The following PECAM1 variants were observed in gnomAD, a reference collection of about 807,000 sequenced individuals.
The protein encoded by PECAM1 is platelet endothelial cell adhesion molecule.
Under a neutral mutation model 13.8 loss-of-function variants are expected in PECAM1, and 8 were observed. The observed-to-expected ratio is 0.58, with a 90% CI of 0.34 to 1.05. The LOEUF (loss-of-function observed/expected upper bound fraction) is 1.05, where lower values mean the gene tolerates loss of function less well. Ranked by LOEUF, PECAM1 falls within the 50% of genes least tolerant of loss-of-function variation. The pLI, the probability that PECAM1 is intolerant of heterozygous loss-of-function variation, is 0.03. For synonymous variants in PECAM1, 136 were observed against 52.6 expected, an observed-to-expected ratio of 2.58 and a Z score of -6.86; for missense variants, 304 against 141.2, an observed-to-expected ratio of 2.15 and a Z score of -5.84.
chr17:64,377,622 A>ACGG, intron 3 of PECAM1: 2 of 378,088 alleles, frequency 5.3e-6, no homozygotes, highest in East Asian at 3.9e-5. Context: ...GAAAGAAAGG[A>ACGG]AGGAAGGAAG....
intron 13 of PECAM1, among the ~76,000 whole-genome samples, chr17:64,346,057 C>T (rs1277501011): frequency 3.3e-5 from 5 of 152,166 alleles, no homozygotes; most frequent in African/African-American, 1.2e-4. Flanking sequence ...TAGTGGCTGG[C>T]ACGGCCTGGA....
intron 14 of PECAM1, 51 bp downstream of exon 14, chr17:64,341,583 G>A (rs1163980501): frequency 7.1e-5 from 30 of 424,456 alleles, no homozygotes; most frequent in Non-Finnish European, 1.2e-4. Context: ...GGCCCCATCA[G>A]TGATTCTAGG....
intron 5 of PECAM1, among the ~76,000 whole-genome samples, chr17:64,364,584 C>A (rs2036058730): frequency 1.3e-5 from 2 of 150,584 alleles, no homozygotes; most frequent in South Asian, 4.2e-4. Context: ...AAAATACTGG[C>A]AAACCAAATC....
intron 6 of PECAM1, among the ~76,000 whole-genome samples, chr17:64,361,753 C>CAAAAAAAAAAAAAAAAA (rs61144320): frequency 2.9e-5 from 2 of 68,136 alleles, no homozygotes; most frequent in Non-Finnish European, 5.0e-5. Context: ...AACTCCATCT[C>CAAAAAAAAAAAAAAAAA]AAAAAAAAAA....
At chr17:64,387,017 C>T (rs934522374) in intron 2 of PECAM1, among the ~76,000 whole-genome samples, 33 of 151,850 alleles carry the variant, frequency 2.2e-4, no homozygotes, top group African/African-American at 5.1e-4. Flanking sequence ...ACCAGGAGCC[C>T]GCAGAGACCA....
chr17:64,354,122 G>A (rs1368755066), intron 9 of PECAM1, among the ~76,000 whole-genome samples: 1 of 151,930 alleles, frequency 6.6e-6, no homozygotes, highest in Non-Finnish European at 1.5e-5. Flanking sequence ...TGTATTTTTA[G>A]TAGAGATGGG....
chr17:64,338,278 C>T, intron 14 of PECAM1, among the ~76,000 whole-genome samples: 1 of 127,750 alleles, frequency 7.8e-6, no homozygotes, highest in South Asian at 2.5e-4. Flanking sequence ...TGGGGCCTCA[C>T]TGTGTTGCCC....
At position 64,322,529 on chromosome 17, in the gene PECAM1, T is replaced by G. The variant is rs1598265651; in HGVS notation, c.*1287A>C. The G allele has an allele frequency of 1.0e-6, 1 of 985,378 alleles. No individual in the cohort carries two copies. Among genetic ancestry groups the G allele is most frequent in the East Asian group, 1.1e-4 (1 of 8,816 alleles). The allele number at this position is 985,378 out of a possible 1,614,324, so 61.0% of individuals were successfully genotyped here. On this transcript the variant is annotated 3_prime_UTR_variant, in exon 16 of 16. Coordinates refer to ENST00000563924, the MANE Select transcript of PECAM1 (RefSeq NM_000442.5). ...GCAAAGAGCAAAGGTCAAATTTATT[T>G]AATACAACATCCACGAGGGTCCCTG...
chr17:64,336,826 C>T (rs888125479), intron 14 of PECAM1, among the ~76,000 whole-genome samples: 1 of 150,506 alleles, frequency 6.6e-6, no homozygotes, highest in Non-Finnish European at 1.5e-5. Context: ...CCACTGCACT[C>T]CAGCCTGGGT....
Position 64,362,837 on chromosome 17 carries a change from C to A in PECAM1, c.1216+312G>T, listed in dbSNP as rs887219668. Among the ~76,000 whole-genome samples, 46 of 143,560 alleles carry A rather than the reference C, an allele frequency of 3.2e-4. 1 individual carries two copies. The highest frequency in any genetic ancestry group is 1.2e-3 in the African/African-American group (46 of 36,962). The allele number at this position is 143,560 out of a possible 152,430, so 94.2% of individuals were successfully genotyped here. A position where few individuals can be genotyped will look rare whatever the true frequency, so the allele number is the denominator to read the frequency against. ...GCACTCTAGCCTGGGCGACACGTCT[C>A]AAAAAAAAAAAAAAGAAAAGTTTAA... On this transcript the variant is annotated intron_variant, in intron 6 of 15. Transcript: ENST00000563924.
At chr17:64,356,783 T>A (rs1208432034) in intron 7 of PECAM1, among the ~76,000 whole-genome samples, 2 of 152,148 alleles carry the variant, frequency 1.3e-5, no homozygotes, top group African/African-American at 4.8e-5. Context: ...TAAGCCACCA[T>A]GCCAGGCCAC....
In PECAM1 at chr17:64,377,807, C is replaced by T. The variant is rs996457365; in HGVS notation, c.385+17G>A. On this transcript the variant is annotated intron_variant, in intron 3 of 15. Coordinates refer to ENST00000563924, the MANE Select transcript of PECAM1 (RefSeq NM_000442.5). Reference sequence around the variant, plus strand: ...TATGCTCCATCTGCTTGCCTGTGCTCAGTTCCAAGGACTCACCTTCCACCA... The same window carrying T: ...TATGCTCCATCTGCTTGCCTGTGCTTAGTTCCAAGGACTCACCTTCCACCA... 125 of 475,166 alleles carry T rather than the reference C, an allele frequency of 2.6e-4. 2 individuals are homozygous for T. In the South Asian group the frequency reaches 8.0e-3, roughly 30 times the overall value. The allele number at this position is 475,166 out of a possible 1,614,324, so 29.4% of individuals were successfully genotyped here. A position where few individuals can be genotyped will look rare whatever the true frequency, so the allele number is the denominator to read the frequency against.
At chr17:64,355,606 T>C (rs1465461686) in intron 8 of PECAM1, among the ~76,000 whole-genome samples, 1 of 152,180 alleles carries the variant, frequency 6.6e-6, no homozygotes, top group East Asian at 1.9e-4. Flanking sequence ...ATTACAGGTA[T>C]GAGCCACTGC....
chr17:64,385,572 CA>C (rs386627359), intron 2 of PECAM1, among the ~76,000 whole-genome samples: 149,329 of 152,292 alleles, frequency 0.98, 73,267 homozygotes, highest in East Asian at 1. Context: ...AGTTCCCATC[CA>C]ATGAGACATG....
intron 14 of PECAM1, among the ~76,000 whole-genome samples, chr17:64,334,774 T>C (rs2035227186): frequency 6.6e-6 from 1 of 152,062 alleles, no homozygotes. Context: ...CCCAAATTGC[T>C]GGGATTACAG....
chr17:64,377,656 G>A (rs1303287586), intron 3 of PECAM1, 168 bp downstream of exon 3: 2 of 434,250 alleles, frequency 4.6e-6, no homozygotes, highest in Non-Finnish European at 8.2e-6. Flanking sequence ...GGCCTATTGG[G>A]AATATGTCTA....
Position 64,323,170 on chromosome 17 carries a change from C to G in PECAM1, c.*646G>C, listed in dbSNP as rs1315329077. ...CAAAAACAGTTGAAGAACATCTGTG[C>G]TTGTTCCACCTTCATTTTCTGTTTT... On this transcript the variant is annotated 3_prime_UTR_variant, in exon 16 of 16. Transcript: ENST00000563924. The G allele has an allele frequency of 1.0e-6, 1 of 986,380 alleles. No individual in the cohort carries two copies. Among genetic ancestry groups the G allele is most frequent in the Non-Finnish European group, 1.2e-6 (1 of 830,832 alleles). 61.1% of individuals were successfully genotyped at this position (986,380 alleles called of 1,614,324 possible).
intron 2 of PECAM1, among the ~76,000 whole-genome samples, chr17:64,381,027 A>T (rs1294638911): frequency 6.6e-6 from 1 of 152,152 alleles, no homozygotes; most frequent in Non-Finnish European, 1.5e-5. Flanking sequence ...TGGATATAAG[A>T]TTAATATTTT....
intron 2 of PECAM1, among the ~76,000 whole-genome samples, chr17:64,382,978 T>C (rs2036515098): frequency 6.6e-6 from 1 of 152,160 alleles, no homozygotes; most frequent in Non-Finnish European, 1.5e-5. Flanking sequence ...AGGTGGATAT[T>C]GCAGTGAGCC....
Sources: gnomAD v4.1 joint callset for allele counts (sites outside exome capture counted in the v4.1 genomes callset) on GRCh38, gnomAD v4.1.1 for gene constraint, MANE v1.5 for transcripts, NCBI Gene and HGNC (gene_info 2026-07-23, HGNC 2026-07-21) for gene names.